The following KIF26B variants were observed in gnomAD, a reference collection of about 807,000 sequenced individuals.
KIF26B encodes kinesin-like protein KIF26B.
A neutral mutation model predicts 151.2 loss-of-function variants in KIF26B; 63 were observed. That is an observed-to-expected ratio of 0.42 (90% CI 0.34 to 0.51). The LOEUF (loss-of-function observed/expected upper bound fraction) is 0.51, where lower values mean the gene tolerates loss of function less well. Ranked by LOEUF, KIF26B falls within the 20% of genes least tolerant of loss-of-function variation. The pLI is 0.07. For missense variants in KIF26B, 2,813 were observed against 2,913.6 expected, an observed-to-expected ratio of 0.97 and a Z score of 0.79; for synonymous variants, 1,357 against 1,262.1, an observed-to-expected ratio of 1.08 and a Z score of -1.59.
intron 2 of KIF26B, among the ~76,000 whole-genome samples, chr1:245,287,348 C>G (rs562572926): frequency 6.6e-6 from 1 of 152,172 alleles, no homozygotes; most frequent in South Asian, 2.1e-4. Flanking sequence ...TTGAGTCTTA[C>G]AATTGGACAC....
intron 3 of KIF26B, among the ~76,000 whole-genome samples, chr1:245,379,685 C>T (rs992216144): frequency 2.6e-5 from 4 of 151,800 alleles, no homozygotes; most frequent in African/African-American, 9.7e-5. Context: ...ATTGAAATGT[C>T]CTCGGCTGGT....
intron 2 of KIF26B, among the ~76,000 whole-genome samples, chr1:245,338,535 T>C (rs1375276860): frequency 6.6e-6 from 1 of 152,216 alleles, no homozygotes; most frequent in Non-Finnish European, 1.5e-5. Flanking sequence ...TCTGATTCAC[T>C]TGCACGCATT....
rs10924219 is a variant in KIF26B at position 245,512,366 on chromosome 1, G to T, written c.1167-28401G>T. Reference sequence around the variant, plus strand: ...TGCAGATTTCCTTTTAACATACCCTGCCCAGCCTTGGACAGAGGGAGTACT... The same window carrying T: ...TGCAGATTTCCTTTTAACATACCCTTCCCAGCCTTGGACAGAGGGAGTACT... On this transcript the variant is annotated intron_variant, in intron 4 of 14. Transcript: ENST00000407071. This position sits in a 1 kb window ranked among gnomAD's most constrained non-coding sequence, Gnocchi z 4.3. Among the ~76,000 whole-genome samples, 32,550 of 151,996 alleles carry T rather than the reference G, an allele frequency of 0.21. 4,254 individuals are homozygous for T. Among genetic ancestry groups the T allele is most frequent in the East Asian group, 0.46 (2,349 of 5,158 alleles).
At chr1:245,209,294 A>G (rs1669465453) in intron 2 of KIF26B, among the ~76,000 whole-genome samples, 4 of 152,090 alleles carry the variant, frequency 2.6e-5, no homozygotes, top group African/African-American at 9.7e-5. Context: ...CCAGCTACTC[A>G]GGAGGCTGAG....
chr1:245,486,588 A>G (rs2103071679), intron 4 of KIF26B, among the ~76,000 whole-genome samples: 1 of 152,352 alleles, frequency 6.6e-6, no homozygotes, highest in South Asian at 2.1e-4. Flanking sequence ...ACAGCAATCC[A>G]GTAAAGTAGT....
chr1:245,683,091 A>G (rs1039659960), intron 10 of KIF26B, among the ~76,000 whole-genome samples: 2 of 152,172 alleles, frequency 1.3e-5, no homozygotes, highest in African/African-American at 2.4e-5. Flanking sequence ...CTTACCCCAC[A>G]GTCTTCCCTC....
At chr1:245,673,858 C>G (rs1201305211) in intron 10 of KIF26B, 3 of 152,158 alleles carry the variant, frequency 2.0e-5, no homozygotes, top group African/African-American at 4.8e-5. Flanking sequence ...TCCAGAATTC[C>G]ACTTGGGCTC....
rs749980771 is a variant in KIF26B, at chr1:245,218,569, C to T, written c.465+61886C>T. Among the ~76,000 whole-genome samples the T allele has an allele frequency of 2.6e-5, 4 of 152,142 alleles. No homozygotes were observed. Among genetic ancestry groups the T allele is most frequent in the Non-Finnish European group, 5.9e-5 (4 of 68,028 alleles). Reference sequence around the variant, plus strand: ...CAACTCTCTATGGAAGAACAAGAACCGAGGTGTCTCTTCTGCCCCATTTCT... The same window carrying T: ...CAACTCTCTATGGAAGAACAAGAACTGAGGTGTCTCTTCTGCCCCATTTCT... On this transcript the variant is annotated intron_variant, in intron 2 of 14. Coordinates refer to ENST00000407071, the MANE Select transcript of KIF26B (RefSeq NM_018012.4). This position sits in a 1 kb window ranked among gnomAD's most constrained non-coding sequence, Gnocchi z 4.1.
intron 10 of KIF26B, among the ~76,000 whole-genome samples, chr1:245,648,758 G>T (rs990365324): frequency 6.6e-6 from 1 of 152,196 alleles, no homozygotes; most frequent in African/African-American, 2.4e-5. Flanking sequence ...CCACTCACCA[G>T]TCCCTGCAGA....
chr1:245,264,127 G>A lies in KIF26B; in HGVS notation c.466-102707G>A, dbSNP rs146239172. 3.0e-3 allele frequency among the ~76,000 whole-genome samples: 454 copies of A among 152,302 alleles called. 1 individual carries two copies. The highest frequency in any genetic ancestry group is 0.01 in the African/African-American group (436 of 41,574). ...AGTGTATTGTTTCTCTCTTCAAAGT[G>A]TGTTCCATGATAGACTTGTGTTTTA... On this transcript the variant is annotated intron_variant, in intron 2 of 14. Transcript: ENST00000407071.
At chr1:245,343,838 A>T (rs1294944452) in intron 2 of KIF26B, among the ~76,000 whole-genome samples, 1 of 152,250 alleles carries the variant, frequency 6.6e-6, no homozygotes, top group African/African-American at 2.4e-5. Context: ...AAGACAGAAA[A>T]CAAATAAGAA....
chr1:245,188,823 T>C (rs1425504195), intron 2 of KIF26B, among the ~76,000 whole-genome samples: 1 of 152,204 alleles, frequency 6.6e-6, no homozygotes, highest in East Asian at 1.9e-4. Context: ...GTGTCCATCA[T>C]GGATGGATGA....
At chr1:245,366,101 CAG>C (rs1053189759) in intron 2 of KIF26B, among the ~76,000 whole-genome samples, 9 of 152,192 alleles carry the variant, frequency 5.9e-5, no homozygotes, top group African/African-American at 1.9e-4. Flanking sequence ...TCTGTGGTAA[CAG>C]GGGGCCAAGG....
intron 4 of KIF26B, among the ~76,000 whole-genome samples, chr1:245,497,145 C>T (rs1028277635): frequency 6.4e-5 from 9 of 141,068 alleles, no homozygotes; most frequent in African/African-American, 1.7e-4. Context: ...AAGGGTGAAA[C>T]TCCATCTCAA....
chr1:245,635,424 GTTTC>G (rs1572171249), intron 9 of KIF26B, among the ~76,000 whole-genome samples: 2 of 151,956 alleles, frequency 1.3e-5, no homozygotes, highest in African/African-American at 2.4e-5. Context: ...CTGGCATAAT[GTTTC>G]TTTATTATCT....
chr1:245,166,471 C>T lies in KIF26B; in HGVS notation c.465+9788C>T, dbSNP rs1457302623. ...GCTCAGTGGATGTAAATAGCGACTC[C>T]TTTGGGTTGAGGTGCCATGAATATG... On this transcript the variant is annotated intron_variant, in intron 2 of 14. Transcript: ENST00000407071. This position sits in a 1 kb window ranked among gnomAD's most constrained non-coding sequence, Gnocchi z 4.5. Among the ~76,000 whole-genome samples, 1 of 152,180 alleles carries T rather than the reference C, an allele frequency of 6.6e-6. No individual in the cohort carries two copies. The highest frequency in any genetic ancestry group is 2.1e-4 in the South Asian group (1 of 4,828).
At chr1:245,296,916 C>T (rs34674626) in intron 2 of KIF26B, among the ~76,000 whole-genome samples, 7,839 of 152,244 alleles carry the variant, frequency 0.051, 241 homozygotes, top group Middle Eastern at 0.085. Flanking sequence ...TTAGCTAGCA[C>T]GCTTAAGAGC....
At chr1:245,699,637 C>T (rs1352510607) in intron 14 of KIF26B, among the ~76,000 whole-genome samples, 1 of 152,078 alleles carries the variant, frequency 6.6e-6, no homozygotes, top group Admixed American at 6.5e-5. Flanking sequence ...AGTTCCTGAC[C>T]ATTCCATTTA....
intron 2 of KIF26B, among the ~76,000 whole-genome samples, chr1:245,313,160 A>G (rs1207763905): frequency 6.6e-6 from 1 of 151,420 alleles, no homozygotes; most frequent in Non-Finnish European, 1.5e-5. Context: ...CTCCATCTCA[A>G]AAAACAAACA....
Sources: gnomAD v4.1 joint callset for allele counts (sites outside exome capture counted in the v4.1 genomes callset) on GRCh38, gnomAD v4.1.1 for gene constraint, Gnocchi (gnomAD v3.1) non-coding constraint, MANE v1.5 for transcripts, NCBI Gene and HGNC (gene_info 2026-07-23, HGNC 2026-07-21) for gene names.